Variants in SNTG2 observed in about 807,000 individuals in gnomAD.
The protein encoded by SNTG2 is syntrophin gamma 2.
SNTG2 carries 74 observed loss-of-function variants against 70.9 expected under a neutral mutation model. The ratio of observed to expected loss-of-function variants is 1.04; its 90% confidence interval spans 0.86 to 1.27. SNTG2 has a LOEUF of 1.27. Among genes scored for constraint, SNTG2 ranks in the 50% most tolerant of loss-of-function variants. SNTG2 has a pLI of 0.00. For synonymous variants in SNTG2, 278 were observed against 273.8 expected (o/e 1.02, Z -0.15); for missense variants, 717 against 690.7 (o/e 1.04, Z -0.43).
chr2:1,018,627 T>A (rs1305523897), intron 1 of SNTG2, among the ~76,000 whole-genome samples: 1 of 152,174 alleles, frequency 6.6e-6, no homozygotes, highest in Admixed American at 6.5e-5. Flanking sequence ...GAGAGCTGTT[T>A]AGACCCAGGG....
At chr2:1,222,587 TCCTG>T (rs1414428307) in intron 9 of SNTG2, among the ~76,000 whole-genome samples, 34 of 6,174 alleles carry the variant, frequency 5.5e-3, no homozygotes, top group African/African-American at 0.028. Flanking sequence ...CGTCTCCCTG[TCCTG>T]CCTGCTGCTG....
intron 16 of SNTG2, among the ~76,000 whole-genome samples, chr2:1,337,614 G>A (rs865909436): frequency 3.3e-5 from 5 of 152,020 alleles, no homozygotes; most frequent in Admixed American, 6.6e-5. Flanking sequence ...TGTGATTTGC[G>A]GATGTCTTCT....
chr2:1,298,012 T>A (rs1680296888), intron 14 of SNTG2, among the ~76,000 whole-genome samples: 1 of 152,202 alleles, frequency 6.6e-6, no homozygotes, highest in African/African-American at 2.4e-5. Context: ...AGCAGAGAGC[T>A]GCAAGGGGTG....
intron 4 of SNTG2, among the ~76,000 whole-genome samples, chr2:1,111,568 G>A (rs1374925817): frequency 1.3e-5 from 2 of 152,196 alleles, no homozygotes; most frequent in African/African-American, 4.8e-5. Context: ...GTTATGGCAG[G>A]TGTCAGCATC....
intron 16 of SNTG2, chr2:1,341,124 T>C (rs1660063779): frequency 6.6e-6 from 1 of 152,208 alleles, no homozygotes; most frequent in Non-Finnish European, 1.5e-5. Flanking sequence ...TGCAGGAGTC[T>C]ACGTGTGTCT....
intron 9 of SNTG2, among the ~76,000 whole-genome samples, chr2:1,229,717 C>G (rs1009113928): frequency 1.3e-5 from 2 of 152,212 alleles, no homozygotes; most frequent in African/African-American, 2.4e-5. Flanking sequence ...TCAGGCGTGG[C>G]GGGCTGCAGG....
chr2:1,297,580 T>C (rs1246464452), intron 14 of SNTG2, among the ~76,000 whole-genome samples: 2 of 151,556 alleles, frequency 1.3e-5, no homozygotes, highest in Non-Finnish European at 2.9e-5. Context: ...CTACAGCTCC[T>C]TCCCAGCGGC....
chr2:1,291,477 T>A (rs1286857511), intron 14 of SNTG2, among the ~76,000 whole-genome samples: 1 of 150,702 alleles, frequency 6.6e-6, no homozygotes, highest in Non-Finnish European at 1.5e-5. Context: ...TTTTACAATT[T>A]TAGCTGTGAC....
chr2:1,254,691 A>G (rs2148149532), intron 12 of SNTG2, among the ~76,000 whole-genome samples: 1 of 152,338 alleles, frequency 6.6e-6, no homozygotes, highest in African/African-American at 2.4e-5. Flanking sequence ...TGTAATCTAC[A>G]ATTTCGGCTC....
chr2:1,206,201 C>T (rs924100569), intron 8 of SNTG2, among the ~76,000 whole-genome samples: 2 of 152,222 alleles, frequency 1.3e-5, no homozygotes, highest in Non-Finnish European at 2.9e-5. Flanking sequence ...GCTCTGCTTT[C>T]TGCAGCACAT....
At chr2:1,157,706 G>A (rs1169843627) in intron 6 of SNTG2, among the ~76,000 whole-genome samples, 1 of 152,212 alleles carries the variant, frequency 6.6e-6, no homozygotes, top group Non-Finnish European at 1.5e-5. Flanking sequence ...GAACTACAGT[G>A]GAGTTTTTCT....
intron 4 of SNTG2, among the ~76,000 whole-genome samples, chr2:1,122,802 T>A (rs28879455): frequency 0.48 from 72,057 of 151,242 alleles, 18,296 homozygotes; most frequent in East Asian, 0.66. Flanking sequence ...ATGATTCTAT[T>A]TGTAAAAACC....
intron 1 of SNTG2, among the ~76,000 whole-genome samples, chr2:1,026,134 T>C (rs1025163999): frequency 5.3e-5 from 8 of 152,186 alleles, no homozygotes; most frequent in African/African-American, 1.9e-4. Flanking sequence ...AGCAAGCAGC[T>C]TTGTTTGTTA....
Position 1,209,226 on chromosome 2 carries a change from T to A in SNTG2, c.715T>A (p.Leu239Ile). Reference protein sequence around the residue: ...ISRYKAGTEKLRWNAFEVLAL... With the variant: ...ISRYKAGTEKIRWNAFEVLAL... ...AAGGTACAAAGCCGGAACGGAAAAA[T>A]TAAGGTGTGTGACCATTGTCTGAGA... Residue 239 changes from leucine to isoleucine, a missense_variant, in exon 9 of 17, where the codon TTA (leucine) becomes ATA (isoleucine). By Grantham distance (5) the Leu-to-Ile change is conservative. Coordinates refer to ENST00000308624, the MANE Select transcript of SNTG2 (RefSeq NM_018968.4). The A allele has an allele frequency of 6.2e-7, 1 of 1,613,860 alleles. No homozygotes were observed. The highest frequency in any genetic ancestry group is 8.5e-7 in the Non-Finnish European group (1 of 1,179,878).
chr2:1,109,846 T>G (rs1485232777), intron 4 of SNTG2, among the ~76,000 whole-genome samples: 1 of 152,206 alleles, frequency 6.6e-6, no homozygotes, highest in East Asian at 1.9e-4. Context: ...TAGAAAATAC[T>G]CAGAAAATTG....
chr2:1,293,156 A>ATTT (rs1680056223), intron 14 of SNTG2, among the ~76,000 whole-genome samples: 1 of 123,298 alleles, frequency 8.1e-6, no homozygotes, highest in African/African-American at 3.2e-5. Flanking sequence ...GTACTCTGTT[A>ATTT]CTTTTTTTTT....
intron 4 of SNTG2, 123 bp from the exon 5 acceptor site, chr2:1,137,499 C>T (rs1668469032): frequency 1.1e-6 from 1 of 929,548 alleles, no homozygotes. Context: ...CACGTGGACA[C>T]ATGCACACAC....
chr2:1,197,529 G>GTATGTATATA (rs1317376391), intron 8 of SNTG2, among the ~76,000 whole-genome samples: 6 of 103,018 alleles, frequency 5.8e-5, no homozygotes, highest in African/African-American at 2.1e-4. Context: ...GTGTGTGTGT[G>GTATGTATATA]TGTGTGTGTG....
At chr2:1,227,546 C>T (rs1409538669) in intron 9 of SNTG2, among the ~76,000 whole-genome samples, 2 of 152,340 alleles carry the variant, frequency 1.3e-5, no homozygotes, top group Admixed American at 6.5e-5. Flanking sequence ...CGCTCCGCCA[C>T]GAATCCGTTT....
Sources: gnomAD v4.1 joint callset for allele counts (sites outside exome capture counted in the v4.1 genomes callset) on GRCh38, gnomAD v4.1.1 for gene constraint, MANE v1.5 for transcripts, NCBI Gene and HGNC (gene_info 2026-07-23, HGNC 2026-07-21) for gene names.